Variants in ORC6 observed in about 807,000 individuals in gnomAD.
ORC6 encodes origin recognition complex subunit 6.
A neutral mutation model predicts 30.0 loss-of-function variants in ORC6; 31 were observed. The ratio of observed to expected loss-of-function variants is 1.03; its 90% confidence interval spans 0.78 to 1.40. The LOEUF (loss-of-function observed/expected upper bound fraction) is 1.40, where lower values mean the gene tolerates loss of function less well. Ranked by LOEUF, ORC6 falls within the 40% of genes most tolerant of loss-of-function variation. The pLI, the probability that ORC6 is intolerant of heterozygous loss-of-function variation, is 0.00. For missense variants in ORC6, 340 were observed against 304.3 expected (o/e 1.12, Z -0.87); for synonymous variants, 136 against 111.2 (o/e 1.22, Z -1.40).
At chr16:46,691,171 CTT>C in intron 2 of ORC6, 51 bp downstream of exon 2, 1 of 1,596,238 alleles carries the variant, frequency 6.3e-7, no homozygotes, top group Non-Finnish European at 8.6e-7. Flanking sequence ...CATTGAAGCT[CTT>C]TTAACTTTTG....
Position 46,698,160 on chromosome 16 carries a change from T to G in ORC6, c.*575T>G, listed in dbSNP as rs1596738219. 1 of 368,928 alleles carries G rather than the reference T, an allele frequency of 2.7e-6. No individual in the cohort carries two copies. Among genetic ancestry groups the G allele is most frequent in the Non-Finnish European group, 5.5e-6 (1 of 180,214 alleles). 22.9% of individuals were successfully genotyped at this position (368,928 alleles called of 1,614,324 possible). A position where few individuals can be genotyped will look rare whatever the true frequency, so the allele number is the denominator to read the frequency against. On this transcript the variant is annotated 3_prime_UTR_variant, in exon 7 of 7. Coordinates refer to ENST00000219097, the MANE Select transcript of ORC6 (RefSeq NM_014321.4). The stretch of plus-strand genomic sequence containing the variant: ...CCAGCCTGGGTGACAGAGCGAGACT[T>G]ATAGATAGATAGATAGATAGATGGA...
chr16:46,691,958 A>ACACACACTCTCTCTCTCTGTCT, intron 2 of ORC6, among the ~76,000 whole-genome samples: 1 of 36,664 alleles, frequency 2.7e-5, no homozygotes, highest in Non-Finnish European at 5.1e-5. Context: ...ACACACACAC[A>ACACACACTCTCTCTCTCTGTCT]CTCTCTCTCT....
intron 3 of ORC6, 110 bp from the exon 4 acceptor site, chr16:46,692,983 G>A: frequency 1.3e-6 from 1 of 776,124 alleles, no homozygotes; most frequent in Non-Finnish European, 2.3e-6. Context: ...CTCGTGTTAA[G>A]TGACAGCACA....
In ORC6 at chr16:46,698,163, A is replaced by AGATAGATAGATGGATG; in HGVS notation, c.*589_*590insGGATGGATAGATAGAT. Reference sequence around the variant, plus strand: ...GCCTGGGTGACAGAGCGAGACTTATAGATAGATAGATAGATAGATGGATAG... The same window carrying AGATAGATAGATGGATG: ...GCCTGGGTGACAGAGCGAGACTTATAGATAGATAGATGGATGGATAGATAGATAGATAGATGGATAG... On this transcript the variant is annotated 3_prime_UTR_variant, in exon 7 of 7. Transcript: ENST00000219097. The AGATAGATAGATGGATG allele has an allele frequency of 2.4e-6, 1 of 413,864 alleles. No homozygotes were observed. The highest frequency in any genetic ancestry group is 4.8e-6 in the Non-Finnish European group (1 of 206,336). The allele number at this position is 413,864 out of a possible 1,614,324, so 25.6% of individuals were successfully genotyped here.
At chr16:46,693,499 T>C (rs2143010674) in intron 4 of ORC6, 1 of 404,628 alleles carries the variant, frequency 2.5e-6, no homozygotes, top group East Asian at 5.4e-5. Context: ...TCTGCTCATA[T>C]TTTTTAAAAA....
At position 46,697,797 on chromosome 16, in the gene ORC6, A is replaced by G. The variant is rs1198588160; in HGVS notation, c.*212A>G. On this transcript the variant is annotated 3_prime_UTR_variant, in exon 7 of 7. Coordinates refer to ENST00000219097, the MANE Select transcript of ORC6 (RefSeq NM_014321.4). ...AGACCAGCCACAGTGCCTGATTGGT[A>G]TAGCCTTATGTGCTTTCCTACAAAA... The G allele has an allele frequency of 6.1e-6, 4 of 659,188 alleles. No individual in the cohort carries two copies. Among genetic ancestry groups the G allele is most frequent in the East Asian group, 6.0e-5 (2 of 33,196 alleles). 40.8% of individuals were successfully genotyped at this position (659,188 alleles called of 1,614,324 possible). A position where few individuals can be genotyped will look rare whatever the true frequency, so the allele number is the denominator to read the frequency against.
rs1395345040 is a variant in ORC6 at position 46,689,758 on chromosome 16, C to T, written c.53C>T (p.Pro18Leu). The T allele has an allele frequency of 6.3e-7, 1 of 1,597,824 alleles. No individual in the cohort carries two copies. Among genetic ancestry groups the T allele is most frequent in the East Asian group, 2.3e-5 (1 of 44,410 alleles). ...RLAPRLGLAE[P>L]DMLRKAEEYL... is the part of the protein sequence containing the mutation. ...GCCCCGCGCCTGGGCCTCGCCGAGC[C>T]CGACATGCTGAGGTGAGTTCGGCCG... Residue 18 changes from proline (P) to leucine (L), a missense_variant, in exon 1 of 7, where the codon CCC becomes CTC. Coordinates refer to ENST00000219097, the MANE Select transcript of ORC6 (RefSeq NM_014321.4).
intron 1 of ORC6, 123 bp downstream of exon 1, chr16:46,689,893 G>A (rs763157653): frequency 3.5e-6 from 5 of 1,410,112 alleles, no homozygotes; most frequent in Non-Finnish European, 4.6e-6. Flanking sequence ...CTGGGGCCGG[G>A]CGGGGTTTAG....
intron 3 of ORC6, 92 bp downstream of exon 3, chr16:46,692,637 A>G (rs891348126): frequency 9.1e-7 from 1 of 1,093,988 alleles, no homozygotes; most frequent in African/African-American, 1.5e-5. Flanking sequence ...TGGGAGGCCA[A>G]GTTGGGTGGA....
At chr16:46,694,402 G>A (rs1966491736) in intron 4 of ORC6, 3 of 144,800 alleles carry the variant, frequency 2.1e-5, no homozygotes, top group Admixed American at 2.0e-4. Flanking sequence ...GTGGTGGCCG[G>A]GCAGAGGGGC....
At position 46,698,160 on chromosome 16, in the gene ORC6, T is replaced by TATAGATAGATAGATAGATGGATAG; in HGVS notation, c.*593_*594insGGATAGATAGATAGATAGATAGAT. ...CCAGCCTGGGTGACAGAGCGAGACT[T>TATAGATAGATAGATAGATGGATAG]ATAGATAGATAGATAGATAGATGGA... is the stretch of plus-strand genomic sequence containing the variant. On this transcript the variant is annotated 3_prime_UTR_variant, in exon 7 of 7. Coordinates refer to ENST00000219097, the MANE Select transcript of ORC6 (RefSeq NM_014321.4). The TATAGATAGATAGATAGATGGATAG allele has an allele frequency of 2.7e-6, 1 of 368,928 alleles. No homozygotes were observed. Among genetic ancestry groups the TATAGATAGATAGATAGATGGATAG allele is most frequent in the Non-Finnish European group, 5.5e-6 (1 of 180,212 alleles). 22.9% of individuals were successfully genotyped at this position (368,928 alleles called of 1,614,324 possible). A position where few individuals can be genotyped will look rare whatever the true frequency, so the allele number is the denominator to read the frequency against.
At chr16:46,692,877 C>T (rs367870710) in intron 3 of ORC6, among the ~76,000 whole-genome samples, 3 of 55,610 alleles carry the variant, frequency 5.4e-5, no homozygotes, top group African/African-American at 1.3e-4. Context: ...TGGGGCGGGG[C>T]GGCGGTGGCG....
At chr16:46,691,870 C>T (rs1426237664) in intron 2 of ORC6, among the ~76,000 whole-genome samples, 2 of 151,818 alleles carry the variant, frequency 1.3e-5, no homozygotes, top group Non-Finnish European at 2.9e-5. Flanking sequence ...CCAGACAGAG[C>T]TGGTTTCCCA....
chr16:46,694,611 C>T (rs1966497674), intron 4 of ORC6: 1 of 54,716 alleles, frequency 1.8e-5, no homozygotes, highest in African/African-American at 5.9e-5. Flanking sequence ...CCAGTAGGGG[C>T]GGCCGGGGCG....
intron 6 of ORC6, among the ~76,000 whole-genome samples, chr16:46,696,827 T>G (rs1966522638): frequency 6.6e-6 from 1 of 152,120 alleles, no homozygotes. Flanking sequence ...GGCTAATTTT[T>G]GTATTTTTGA....
intron 6 of ORC6, 107 bp from the exon 7 acceptor site, chr16:46,697,351 C>A: frequency 2.9e-6 from 3 of 1,048,470 alleles, no homozygotes; most frequent in Non-Finnish European, 4.2e-6. Context: ...TTCTCCATGT[C>A]ATTTCAGTAT....
In ORC6 at chr16:46,696,078, A is replaced by G; in HGVS notation, c.624A>G (p.Pro208=). ...GAAAGAAGATAGTGGTTGAAGCCCC[A>G]GCAAAGGGTAAGTTTTACTAACACG... ...RKRKKIVVEA[P]AKEMEKVEEM... is the part of the protein sequence containing the mutation. Residue 208 remains proline (P), a synonymous_variant, in exon 6 of 7, where the codon CCA becomes CCG. Coordinates refer to ENST00000219097, the MANE Select transcript of ORC6 (RefSeq NM_014321.4). 6.2e-7 allele frequency: 1 copy of G among 1,610,682 alleles called. No homozygotes were observed. The highest frequency in any genetic ancestry group is 8.5e-7 in the Non-Finnish European group (1 of 1,176,756).
At chr16:46,694,629 G>GA (rs1331798771) in intron 4 of ORC6, 1 of 2,026 alleles carries the variant, frequency 4.9e-4, no homozygotes, top group Admixed American at 0.019. Context: ...GCGGCTGGCC[G>GA]GGCGGGGGGC....
Position 46,689,725 on chromosome 16 carries a change from G to T in ORC6, c.20G>T (p.Gly7Val), listed in dbSNP as rs1328088584. MGSELI[G>V]RLAPRLGLAE... ...GGCGCCATGGGGTCGGAGCTGATCG[G>T]GCGCCTAGCCCCGCGCCTGGGCCTC... Residue 7 changes from glycine (G) to valine (V), a missense_variant, in exon 1 of 7, where the codon GGG becomes GTG. Physicochemically the swap from Gly to Val is moderately radical, Grantham distance 109. Transcript: ENST00000219097. The T allele has an allele frequency of 6.2e-7, 1 of 1,602,632 alleles. No individual in the cohort carries two copies. The highest frequency in any genetic ancestry group is 8.5e-7 in the Non-Finnish European group (1 of 1,174,928).
Sources: gnomAD v4.1 joint callset for allele counts (sites outside exome capture counted in the v4.1 genomes callset) on GRCh38, gnomAD v4.1.1 for gene constraint, MANE v1.5 for transcripts, NCBI Gene and HGNC (gene_info 2026-07-23, HGNC 2026-07-21) for gene names.